LARP7: variants seen among roughly 807,000 people sequenced by gnomAD.
LARP7 encodes La ribonucleoprotein 7, transcriptional regulator.
A neutral mutation model predicts 69.3 loss-of-function variants in LARP7; 52 were observed. The ratio of observed to expected loss-of-function variants is 0.75; its 90% CI spans 0.60 to 0.95. The LOEUF (loss-of-function observed/expected upper bound fraction) is 0.95. LARP7 is among the 40% of genes least tolerant of loss of function. The probability of loss-of-function intolerance (pLI) is 0.00; values close to 1 mark genes in which losing one functional copy is unlikely to be tolerated. For synonymous variants in LARP7, 254 were observed against 215.9 expected (o/e 1.18, Z -1.55); for missense variants, 733 against 673.0 (o/e 1.09, Z -0.99).
At chr4:112,639,850 G>A (rs1179432137) in intron 1 of LARP7, among the ~76,000 whole-genome samples, 1 of 151,440 alleles carries the variant, frequency 6.6e-6, no homozygotes, top group Non-Finnish European at 1.5e-5. Flanking sequence ...ATTGATAATT[G>A]GATAATTATC....
intron 2 of LARP7, 80 bp from the exon 3 acceptor site, chr4:112,646,271 C>A: frequency 2.9e-6 from 2 of 689,640 alleles, no homozygotes; most frequent in Non-Finnish European, 4.9e-6. Context: ...AGCCTGAGGG[C>A]CTGAGGGGCA....
chr4:112,653,991 G>A (rs2048860657), intron 11 of LARP7, 77 bp from the exon 12 acceptor site: 1 of 974,826 alleles, frequency 1.0e-6, no homozygotes, highest in Non-Finnish European at 1.6e-6. Context: ...TACTATTATT[G>A]AGAATGTAAT....
chr4:112,644,495 TA>T, intron 1 of LARP7, 172 bp from the exon 2 acceptor site: 1 of 1,142,444 alleles, frequency 8.8e-7, no homozygotes, highest in Non-Finnish European at 1.2e-6. Flanking sequence ...GAAGGTAAAT[TA>T]TTTTTAAATT....
chr4:112,645,246 A>G (rs1030322166), intron 2 of LARP7, among the ~76,000 whole-genome samples: 1 of 151,882 alleles, frequency 6.6e-6, no homozygotes, highest in Admixed American at 6.6e-5. Context: ...CACCCAGCCT[A>G]AAATAGTATA....
intron 2 of LARP7, among the ~76,000 whole-genome samples, chr4:112,645,986 C>G (rs576959917): frequency 6.9e-6 from 1 of 145,562 alleles, no homozygotes; most frequent in African/African-American, 2.7e-5. Context: ...CCATTTAGAC[C>G]CTCATACAGT....
At chr4:112,649,296 CT>C (rs1437386431) in intron 8 of LARP7, among the ~76,000 whole-genome samples, 1 of 152,044 alleles carries the variant, frequency 6.6e-6, no homozygotes, top group Non-Finnish European at 1.5e-5. Flanking sequence ...ACTTCAGACA[CT>C]CAAAAATTTA....
In LARP7 at chr4:112,638,356, AAC is replaced by A. The variant is rs141737183; in HGVS notation, c.-3+1125_-3+1126del. On this transcript the variant is annotated intron_variant, in intron 1 of 12. Transcript: ENST00000344442. Reference sequence around the variant, plus strand: ...AATTACGAAATACTTTTAAATAGCAAACACACACAAATGACTTGGTGTCTTGT... The same window carrying A: ...AATTACGAAATACTTTTAAATAGCAAACACACAAATGACTTGGTGTCTTGT... Among the ~76,000 whole-genome samples, 297 of 152,286 alleles carry A rather than the reference AAC, an allele frequency of 2.0e-3. 1 individual carries two copies. Among genetic ancestry groups the A allele is most frequent in the African/African-American group, 6.8e-3 (281 of 41,544 alleles).
At position 112,646,957 on chromosome 4, in the gene LARP7, T is replaced by C; in HGVS notation, c.552+2T>C. 1 of 1,591,470 alleles carries C rather than the reference T, an allele frequency of 6.3e-7. No homozygotes were observed. The highest frequency in any genetic ancestry group is 1.8e-5 in the Admixed American group (1 of 54,256). On this transcript the variant is annotated splice_donor_variant, in intron 5 of 12. Transcript: ENST00000344442. LOFTEE classifies it high-confidence loss of function. ...GAACAAGCAGCAAAAGCAATTGAGG[T>C]AAGTCCAGATCCTAAAAAAAAAAAA...
intron 1 of LARP7, among the ~76,000 whole-genome samples, chr4:112,642,835 T>G (rs1170928118): frequency 6.6e-6 from 1 of 152,360 alleles, no homozygotes; most frequent in Middle Eastern, 3.4e-3. Flanking sequence ...GTTGTTCTGG[T>G]CACGTAGGCA....
intron 1 of LARP7, 142 bp from the exon 2 acceptor site, chr4:112,644,526 A>AT (rs1283107836): frequency 9.5e-7 from 1 of 1,056,524 alleles, no homozygotes; most frequent in African/African-American, 1.7e-5. Flanking sequence ...AAATATAAAA[A>AT]TGAATGTTCT....
chr4:112,646,389 A>G lies in LARP7; in HGVS notation c.241A>G (p.Lys81Glu), dbSNP rs1205338787. The G allele has an allele frequency of 1.9e-6, 3 of 1,600,824 alleles. No individual in the cohort carries two copies. Among genetic ancestry groups the G allele is most frequent in the African/African-American group, 2.7e-5 (2 of 74,632 alleles). The change falls in exon 3 of 13, where the codon AAA becomes GAA. Residue 81 changes from lysine to glutamate, a missense_variant. Lys to Glu is a moderately conservative substitution (Grantham distance 56, BLOSUM62 1). Coordinates refer to ENST00000344442, the MANE Select transcript of LARP7 (RefSeq NM_016648.4). ...ISLLVSFNKM[K>E]KLTTDGKLIA... Reference sequence around the variant, plus strand: ...ACTACTTGTGTCTTTTAACAAAATGAAAAAATTGACTACTGATGGGAAGTT... The same window carrying G: ...ACTACTTGTGTCTTTTAACAAAATGGAAAAATTGACTACTGATGGGAAGTT...
In LARP7 at chr4:112,647,411, T is replaced by C; in HGVS notation, c.859T>C (p.Leu287=). 1 of 1,613,966 alleles carries C rather than the reference T, an allele frequency of 6.2e-7. No individual in the cohort carries two copies. The highest frequency in any genetic ancestry group is 1.1e-5 in the South Asian group (1 of 91,066). The change falls in exon 7 of 13, where the codon TTA becomes CTA. Residue 287 remains leucine, a synonymous_variant. Transcript: ENST00000344442. ...ACGGGACAGAGTTGAAGCATCTAGC[T>C]TACCTGAAGTCAGAACAGGGAAGAG... ...KKRDRVEASS[L]PEVRTGKRKR... is the part of the protein sequence containing the mutation.
At position 112,653,213 on chromosome 4, in the gene LARP7, G is replaced by T; in HGVS notation, c.1553G>T (p.Cys518Phe). ...TATACAGAAATTAACAAGAAACACTGCTGGAAACTCGAGATCCTTTCTGGT... is the reference window on the plus strand; with the variant it reads ...TATACAGAAATTAACAAGAAACACTTCTGGAAACTCGAGATCCTTTCTGGT... ...NAYTEINKKH[C>F]WKLEILSGDH... Residue 518 changes from cysteine (C) to phenylalanine (F), a missense_variant, in exon 11 of 13, where the codon TGC (cysteine) becomes TTC (phenylalanine). Coordinates refer to ENST00000344442, the MANE Select transcript of LARP7 (RefSeq NM_016648.4). 6.3e-7 allele frequency: 1 copy of T among 1,586,810 alleles called. No individual in the cohort carries two copies. Among genetic ancestry groups the T allele is most frequent in the Non-Finnish European group, 8.5e-7 (1 of 1,171,098 alleles).
At chr4:112,647,620 T>G in intron 7 of LARP7, 70 bp from the exon 8 acceptor site, 1 of 1,481,610 alleles carries the variant, frequency 6.7e-7, no homozygotes, top group Non-Finnish European at 9.0e-7. Flanking sequence ...TAATTAGGTT[T>G]TAATTGGCTT....
chr4:112,648,706 C>A, intron 8 of LARP7: 1 of 342,880 alleles, frequency 2.9e-6, no homozygotes, highest in Non-Finnish European at 6.0e-6. Flanking sequence ...GGGTAAAAGG[C>A]AGGGACTTCA....
chr4:112,655,118 A>G (rs569837355), intron 12 of LARP7, among the ~76,000 whole-genome samples: 1 of 152,136 alleles, frequency 6.6e-6, no homozygotes, highest in South Asian at 2.1e-4. Flanking sequence ...CCTTGAAAGG[A>G]GACTGAACTT....
In LARP7 at chr4:112,650,461, C is replaced by T; in HGVS notation, c.1295C>T (p.Thr432Ile). The T allele has an allele frequency of 1.2e-6, 2 of 1,613,390 alleles. No homozygotes were observed. Among genetic ancestry groups the T allele is most frequent in the Non-Finnish European group, 1.7e-6 (2 of 1,179,576 alleles). The change falls in exon 10 of 13, where the codon ACA becomes ATA. Residue 432 changes from threonine (T) to isoleucine (I), a missense_variant and splice_region_variant. Transcript: ENST00000344442. ...PQNTGMKNEK[T>I]ANREECRTQE... ...CTGGTCTTTTTCCTTTTCTAATCAG[C>T]AGCCAACAGGGAAGAGTGTCGCACC...
intron 12 of LARP7, 46 bp downstream of exon 12, chr4:112,654,205 G>T: frequency 7.4e-7 from 1 of 1,358,570 alleles, no homozygotes; most frequent in African/African-American, 1.4e-5. Context: ...TTCCTTGAAC[G>T]TTTAATGCCA....
chr4:112,648,440 C>G (rs1331651747), intron 8 of LARP7: 4 of 534,398 alleles, frequency 7.5e-6, no homozygotes, highest in Non-Finnish European at 1.5e-5. Flanking sequence ...GGGATCCCTT[C>G]AAATGAGGTT....
Sources: gnomAD v4.1 joint callset for allele counts (sites outside exome capture counted in the v4.1 genomes callset) on GRCh38, gnomAD v4.1.1 for gene constraint, MANE v1.5 for transcripts, NCBI Gene and HGNC (gene_info 2026-07-23, HGNC 2026-07-21) for gene names.